The following KCNK5 variants were observed in gnomAD, a reference collection of about 807,000 sequenced individuals.
KCNK5 encodes potassium channel subfamily K member 5.
KCNK5 carries 18 observed loss-of-function variants against 32.9 expected under a neutral mutation model. That is an observed-to-expected ratio of 0.55 (90% confidence interval 0.38 to 0.81). The LOEUF (loss-of-function observed/expected upper bound fraction) is 0.81. Ranked by LOEUF, KCNK5 falls within the 30% of genes least tolerant of loss-of-function variation. KCNK5 has a pLI of 0.00. For missense variants in KCNK5, 507 were observed against 651.0 expected (o/e 0.78, Z 2.41); for synonymous variants, 276 against 275.3 (o/e 1.00, Z -0.03).
chr6:39,206,309 C>T (rs1014620570), intron 1 of KCNK5, among the ~76,000 whole-genome samples: 1 of 152,222 alleles, frequency 6.6e-6, no homozygotes, highest in African/African-American at 2.4e-5. Context: ...GTCATACCCA[C>T]GGATCTGACC....
At chr6:39,215,769 G>C (rs1022794458) in intron 1 of KCNK5, among the ~76,000 whole-genome samples, 1 of 152,220 alleles carries the variant, frequency 6.6e-6, no homozygotes, top group Admixed American at 6.5e-5. Flanking sequence ...ACACAGCTAA[G>C]AGGCAATTCT....
At chr6:39,228,331 C>T (rs1219026583) in intron 1 of KCNK5, among the ~76,000 whole-genome samples, 1 of 152,212 alleles carries the variant, frequency 6.6e-6, no homozygotes, top group African/African-American at 2.4e-5. Flanking sequence ...GAGCGCGTCC[C>T]CAGCATTCCA....
intron 1 of KCNK5, among the ~76,000 whole-genome samples, chr6:39,225,827 T>C (rs957491003): frequency 3.3e-5 from 5 of 152,154 alleles, no homozygotes; most frequent in African/African-American, 4.8e-5. Flanking sequence ...TCCCGCCCCA[T>C]AGGCTGTGCC....
rs374030921 is a variant in KCNK5, at chr6:39,229,245, C to G, written c.-134G>C. On this transcript the variant is annotated 5_prime_UTR_variant, in exon 1 of 5. Transcript: ENST00000359534. ...TGCGCAGTGCCCGGTACTCACCCCC[C>G]GCAAGCACCGCTCCCCGGACAGAGT... The G allele has an allele frequency of 2.0e-4, 182 of 888,540 alleles. No homozygotes were observed. Among genetic ancestry groups the G allele is most frequent in the African/African-American group, 2.0e-3 (119 of 59,440 alleles). The allele number at this position is 888,540 out of a possible 1,614,324, so 55.0% of individuals were successfully genotyped here. A position where few individuals can be genotyped will look rare whatever the true frequency, so the allele number is the denominator to read the frequency against.
chr6:39,213,297 G>A (rs745396726), intron 1 of KCNK5, among the ~76,000 whole-genome samples: 6 of 152,202 alleles, frequency 3.9e-5, no homozygotes, highest in Admixed American at 1.3e-4. Context: ...TACAGAAAAT[G>A]TGAGAGGCAG....
At chr6:39,228,438 T>C (rs1771711034) in intron 1 of KCNK5, among the ~76,000 whole-genome samples, 1 of 151,820 alleles carries the variant, frequency 6.6e-6, no homozygotes, top group Admixed American at 6.6e-5. Context: ...AGGCTCGGGC[T>C]GAGGGACCCT....
chr6:39,200,461 A>AT (rs993345688), intron 1 of KCNK5, among the ~76,000 whole-genome samples: 5 of 152,080 alleles, frequency 3.3e-5, no homozygotes, highest in African/African-American at 1.2e-4. Flanking sequence ...AGATACTATA[A>AT]TTTTTTTCCA....
At chr6:39,223,596 C>G (rs1487807300) in intron 1 of KCNK5, among the ~76,000 whole-genome samples, 2 of 152,202 alleles carry the variant, frequency 1.3e-5, no homozygotes, top group Non-Finnish European at 2.9e-5. Flanking sequence ...CAGCACCATG[C>G]AAATACAGCA....
At chr6:39,209,331 C>G (rs1266027446) in intron 1 of KCNK5, among the ~76,000 whole-genome samples, 2 of 152,184 alleles carry the variant, frequency 1.3e-5, no homozygotes, top group African/African-American at 2.4e-5. Context: ...CCAGGTATGC[C>G]AGGAAGCAGA....
chr6:39,211,919 G>A lies in KCNK5; in HGVS notation c.187-15932C>T, dbSNP rs148255335. 4.6e-5 allele frequency among the ~76,000 whole-genome samples: 7 copies of A among 152,016 alleles called. No homozygotes were observed. In the East Asian group the frequency reaches 1.4e-3, roughly 29 times the overall value. Reference sequence around the variant, plus strand: ...ACGGAGGTTGCAGTGAGCTGAGATCGTACCATTGCATTCCAGCCTGGACAA... The same window carrying A: ...ACGGAGGTTGCAGTGAGCTGAGATCATACCATTGCATTCCAGCCTGGACAA... On this transcript the variant is annotated intron_variant, in intron 1 of 4. Transcript: ENST00000359534.
intron 1 of KCNK5, among the ~76,000 whole-genome samples, chr6:39,222,575 G>T (rs1300550558): frequency 6.6e-6 from 1 of 152,128 alleles, no homozygotes; most frequent in Non-Finnish European, 1.5e-5. Flanking sequence ...CACCTCCCTG[G>T]CCTGTGGCTA....
intron 1 of KCNK5, among the ~76,000 whole-genome samples, chr6:39,218,700 A>C (rs1033409676): frequency 1.3e-5 from 2 of 152,134 alleles, no homozygotes; most frequent in Non-Finnish European, 2.9e-5. Flanking sequence ...TGGGTGGTGT[A>C]CCTGGTGCTG....
Position 39,191,023 on chromosome 6 carries a change from T to G in KCNK5, c.1367A>C (p.Lys456Thr), listed in dbSNP as rs1427155949. The change falls in exon 5 of 5, where the codon AAG becomes ACG. Residue 456 changes from lysine (K) to threonine (T), a missense_variant. By Grantham distance (78) the Lys-to-Thr change is moderately conservative (BLOSUM62 -1). Transcript: ENST00000359534. This position sits in a 1 kb window ranked among gnomAD's most constrained non-coding sequence, Gnocchi z 5.8. ...GAACTCGCCCATGTTCAGGGGCGCC[T>G]TGGCTTCAGCCCCCTGCTGGGGGCT... ...EESPQQGAEAKAPLNMGEFPS... is the reference protein window; with the variant it reads ...EESPQQGAEATAPLNMGEFPS... 6.2e-7 allele frequency: 1 copy of G among 1,601,214 alleles called. No homozygotes were observed. The highest frequency in any genetic ancestry group is 1.1e-5 in the South Asian group (1 of 89,514).
intron 1 of KCNK5, among the ~76,000 whole-genome samples, chr6:39,201,408 T>C (rs2561434): frequency 0.99 from 150,987 of 152,208 alleles, 74,902 homozygotes; most frequent in Middle Eastern, 1. Flanking sequence ...GGTGCCACCA[T>C]GCCCAGCTAA....
intron 1 of KCNK5, among the ~76,000 whole-genome samples, chr6:39,215,500 C>T (rs1418021255): frequency 6.6e-6 from 1 of 152,198 alleles, no homozygotes; most frequent in Admixed American, 6.5e-5. Context: ...CTACCTCCAT[C>T]CCGCACTGGG....
chr6:39,198,744 G>A (rs1000446743), intron 1 of KCNK5, among the ~76,000 whole-genome samples: 1 of 152,188 alleles, frequency 6.6e-6, no homozygotes, highest in African/African-American at 2.4e-5. Context: ...CATATATGGG[G>A]CACCTTGTTT....
At chr6:39,208,562 G>T (rs1189717182) in intron 1 of KCNK5, among the ~76,000 whole-genome samples, 1 of 152,236 alleles carries the variant, frequency 6.6e-6, no homozygotes, top group Non-Finnish European at 1.5e-5. Context: ...GGTTCAGTCT[G>T]CGTCTGAGAC....
At chr6:39,206,528 T>C (rs987719914) in intron 1 of KCNK5, among the ~76,000 whole-genome samples, 1 of 152,188 alleles carries the variant, frequency 6.6e-6, no homozygotes, top group African/African-American at 2.4e-5. Flanking sequence ...CCCGGGCCAA[T>C]GACCTGAGGG....
chr6:39,206,942 A>G (rs1771236029), intron 1 of KCNK5, among the ~76,000 whole-genome samples: 1 of 152,246 alleles, frequency 6.6e-6, no homozygotes, highest in African/African-American at 2.4e-5. Flanking sequence ...TGCTCTGTGA[A>G]TAGAACAAGG....
Sources: gnomAD v4.1 joint callset for allele counts (sites outside exome capture counted in the v4.1 genomes callset) on GRCh38, gnomAD v4.1.1 for gene constraint, Gnocchi (gnomAD v3.1) non-coding constraint, MANE v1.5 for transcripts, NCBI Gene and HGNC (gene_info 2026-07-23, HGNC 2026-07-21) for gene names.